Variants in ABCB4 observed in about 807,000 individuals in gnomAD.
ABCB4 encodes the protein ATP binding cassette subfamily B member 4.
A neutral mutation model predicts 145.7 loss-of-function variants in ABCB4; 76 were observed. That is an observed-to-expected ratio of 0.52 (90% CI 0.43 to 0.63). The LOEUF (loss-of-function observed/expected upper bound fraction) is 0.63. Ranked by LOEUF, ABCB4 falls within the 30% of genes least tolerant of loss-of-function variation. The probability of loss-of-function intolerance (pLI) is 0.00; values close to 1 mark genes in which losing one functional copy is unlikely to be tolerated. For synonymous variants in ABCB4, 517 were observed against 566.8 expected, an observed-to-expected ratio of 0.91 and a Z score of 1.25; for missense variants, 1,234 against 1,553.1, an observed-to-expected ratio of 0.79 and a Z score of 3.45.
Position 87,439,825 on chromosome 7 carries a change from G to A in ABCB4, c.1573C>T (p.Leu525=), listed in dbSNP as rs1216491080. The A allele has an allele frequency of 1.9e-6, 3 of 1,614,088 alleles. No individual in the cohort carries two copies. Among genetic ancestry groups the A allele is most frequent in the Non-Finnish European group, 2.5e-6 (3 of 1,180,018 alleles). Residue 525 remains leucine (L), a synonymous_variant, in exon 14 of 28, where the codon CTG becomes TTG. Transcript: ENST00000649586. ...AGCTGGGCCCCTCTCTCTCCAACCA[G>A]GGTGTCAAATTTCTAACACAGAAAA... ...IMKLPQKFDT[L]VGERGAQLSG...
At chr7:87,430,285 C>T (rs564525389) in intron 15 of ABCB4, among the ~76,000 whole-genome samples, 32 of 152,122 alleles carry the variant, frequency 2.1e-4, no homozygotes, top group African/African-American at 4.8e-4. Context: ...ATGTGGATGA[C>T]GTATATCTGA....
chr7:87,442,239 T>C (rs1811039010), intron 12 of ABCB4, among the ~76,000 whole-genome samples: 1 of 152,068 alleles, frequency 6.6e-6, no homozygotes, highest in South Asian at 2.1e-4. Flanking sequence ...TGGGCCTATG[T>C]TCCCCCATAG....
chr7:87,377,315 C>A, the ABCB4 span: 4 of 1,328,188 alleles, frequency 3.0e-6, no homozygotes, highest in Admixed American at 3.6e-5. Flanking sequence ...CAATATTAAA[C>A]CCTTTTAATT....
chr7:87,426,977 G>GTGTA (rs1809876981), intron 15 of ABCB4, 57 bp from the exon 16 acceptor site: 4 of 1,502,196 alleles, frequency 2.7e-6, no homozygotes, highest in Non-Finnish European at 1.8e-6. Flanking sequence ...GTGTGTGTGT[G>GTGTA]TGTCTCCAAA....
intron 19 of ABCB4, among the ~76,000 whole-genome samples, 186 bp downstream of exon 19, chr7:87,419,812 A>G (rs28494813): frequency 6.6e-6 from 1 of 151,902 alleles, no homozygotes; most frequent in African/African-American, 2.4e-5. Context: ...ACAAAAAAAA[A>G]ACAAAAAAAA....
At chr7:87,374,116 AT>A in the ABCB4 span, among the ~76,000 whole-genome samples, 1 of 152,232 alleles carries the variant, frequency 6.6e-6, no homozygotes, top group East Asian at 1.9e-4. Context: ...ATTTAAAAAA[AT>A]ATATGATTCT....
At chr7:87,456,390 C>T (rs1246209925) in intron 4 of ABCB4, among the ~76,000 whole-genome samples, 3 of 152,146 alleles carry the variant, frequency 2.0e-5, no homozygotes, top group African/African-American at 7.2e-5. Context: ...ACAGATCCCA[C>T]ATGAATGGCT....
chr7:87,466,308 G>A (rs1222954485), intron 3 of ABCB4, among the ~76,000 whole-genome samples: 3 of 152,060 alleles, frequency 2.0e-5, no homozygotes, highest in Non-Finnish European at 4.4e-5. Flanking sequence ...AGTGATTGAA[G>A]ATCAAATGAA....
the ABCB4 span, among the ~76,000 whole-genome samples, chr7:87,381,270 T>C: frequency 6.6e-6 from 1 of 152,140 alleles, no homozygotes; most frequent in South Asian, 2.1e-4. Context: ...GGGCAAAAAC[T>C]TTGTTCTTCA....
At chr7:87,382,108 A>T in the ABCB4 span, 1 of 1,613,538 alleles carries the variant, frequency 6.2e-7, no homozygotes, top group Non-Finnish European at 8.5e-7. Context: ...CCACTTCCAG[A>T]AGAGCTCATT....
intron 3 of ABCB4, 36 bp downstream of exon 3, chr7:87,472,585 G>A (rs1290850009): frequency 4.6e-6 from 7 of 1,513,092 alleles, no homozygotes; most frequent in Non-Finnish European, 6.4e-6. Flanking sequence ...TTGAATAAAA[G>A]GTAGGATTAT....
intron 24 of ABCB4, 133 bp from the exon 25 acceptor site, chr7:87,408,367 C>A: frequency 1.1e-6 from 1 of 939,682 alleles, no homozygotes; most frequent in Non-Finnish European, 1.6e-6. Flanking sequence ...AGTTCTGGTG[C>A]CAGTTAATAT....
At chr7:87,423,745 T>C (rs1240478302) in intron 17 of ABCB4, 161 bp downstream of exon 17, 1 of 795,108 alleles carries the variant, frequency 1.3e-6, no homozygotes, top group African/African-American at 1.7e-5. Flanking sequence ...AGGCTACTTA[T>C]CTTTTCCCTC....
intron 4 of ABCB4, among the ~76,000 whole-genome samples, chr7:87,456,725 G>A (rs35313316): frequency 0.054 from 8,290 of 152,188 alleles, 348 homozygotes; most frequent in Non-Finnish European, 0.084. Context: ...TCCCTCCTAG[G>A]AAAGAATCTA....
downstream of ABCB4, among the ~76,000 whole-genome samples, chr7:87,400,204 A>G (rs555958395): frequency 1.4e-4 from 21 of 152,352 alleles, no homozygotes; most frequent in African/African-American, 4.3e-4. Flanking sequence ...AGAGAAGTCC[A>G]GATTCAAGGA....
At chr7:87,379,657 G>A in the ABCB4 span, among the ~76,000 whole-genome samples, 1 of 152,172 alleles carries the variant, frequency 6.6e-6, no homozygotes, top group African/African-American at 2.4e-5. Flanking sequence ...TTTATAGTGT[G>A]CGGACATGTT....
intron 4 of ABCB4, among the ~76,000 whole-genome samples, chr7:87,457,158 C>A (rs1333945104): frequency 6.6e-6 from 1 of 152,108 alleles, no homozygotes; most frequent in Non-Finnish European, 1.5e-5. Flanking sequence ...GTGGCTCACA[C>A]CTATAATTAC....
the ABCB4 span, chr7:87,377,364 C>T: frequency 6.2e-7 from 1 of 1,603,962 alleles, no homozygotes; most frequent in South Asian, 1.1e-5. Context: ...TGCAGCCATC[C>T]TTATTGGAGA....
chr7:87,462,449 T>C (rs1812523214), intron 4 of ABCB4, among the ~76,000 whole-genome samples: 1 of 152,232 alleles, frequency 6.6e-6, no homozygotes, highest in Non-Finnish European at 1.5e-5. Flanking sequence ...GGATGGATAC[T>C]GCATAGAGAT....
Sources: allele counts gnomAD v4.1 joint callset (sites outside exome capture counted in the v4.1 genomes callset), GRCh38; gene constraint gnomAD v4.1.1; transcripts MANE v1.5; gene names NCBI Gene and HGNC (gene_info 2026-07-23, HGNC 2026-07-21).